Variants in L3MBTL4 observed in about 807,000 individuals in gnomAD.
L3MBTL4 encodes the protein L3MBTL histone methyl-lysine binding protein 4, also known as lethal(3)malignant brain tumor-like protein 4.
In L3MBTL4, 70 loss-of-function variants were observed where a neutral mutation model predicts 84.5. The ratio of observed to expected loss-of-function variants is 0.83; its 90% confidence interval spans 0.68 to 1.01. The LOEUF (loss-of-function observed/expected upper bound fraction) is 1.01. Among genes scored for constraint, L3MBTL4 ranks in the 50% least tolerant of loss-of-function variants. The probability of loss-of-function intolerance (pLI) is 0.00; values close to 1 mark genes in which losing one functional copy is unlikely to be tolerated. For synonymous variants in L3MBTL4, 274 were observed against 259.8 expected (o/e 1.05, Z -0.52); for missense variants, 715 against 754.8 (o/e 0.95, Z 0.62).
chr18:6,232,490 C>T (rs2047038453), intron 10 of L3MBTL4, among the ~76,000 whole-genome samples: 1 of 152,040 alleles, frequency 6.6e-6, no homozygotes, highest in Admixed American at 6.6e-5. Flanking sequence ...TGCTAGAATT[C>T]ACTAGTCAAG....
At chr18:6,272,319 A>G (rs2048910690) in intron 4 of L3MBTL4, among the ~76,000 whole-genome samples, 1 of 152,128 alleles carries the variant, frequency 6.6e-6, no homozygotes, top group Non-Finnish European at 1.5e-5. Flanking sequence ...CCTACCAAAT[A>G]CCCTCACCTC....
chr18:6,289,315 G>C (rs367699631), intron 4 of L3MBTL4, among the ~76,000 whole-genome samples: 1 of 152,148 alleles, frequency 6.6e-6, no homozygotes, highest in African/African-American at 2.4e-5. Context: ...CAGGACCAGA[G>C]TCTAGTCCTC....
rs551511131 is a variant in L3MBTL4 at position 6,347,188 on chromosome 18, G to A, written c.-90-35132C>T. ...GCTGAGGAAAGGGGGAAATTGGGAGGTGATGGATAAAGGGTACAAAGTTTT... is the reference window on the plus strand; with the variant it reads ...GCTGAGGAAAGGGGGAAATTGGGAGATGATGGATAAAGGGTACAAAGTTTT... On this transcript the variant is annotated intron_variant, in intron 1 of 18. Coordinates refer to ENST00000317931, the MANE Select transcript of L3MBTL4 (RefSeq NM_001330559.2). Among the ~76,000 whole-genome samples, 6 of 152,122 alleles carry A rather than the reference G, an allele frequency of 3.9e-5. No homozygotes were observed. The East Asian group carries it at 1.2e-3, about 29-fold the overall frequency.
intron 13 of L3MBTL4, among the ~76,000 whole-genome samples, chr18:6,139,274 G>A (rs1429998646): frequency 6.6e-6 from 1 of 151,868 alleles, no homozygotes; most frequent in East Asian, 1.9e-4. Context: ...AAGCTACAGT[G>A]TACTATATAC....
At chr18:6,085,785 C>T (rs8086786) in intron 15 of L3MBTL4, among the ~76,000 whole-genome samples, 43,877 of 152,072 alleles carry the variant, frequency 0.29, 7,942 homozygotes, top group African/African-American at 0.52. Flanking sequence ...TTTATAACAA[C>T]ATGAAAATGG....
chr18:6,169,059 C>A (rs2043828642), intron 13 of L3MBTL4, among the ~76,000 whole-genome samples: 1 of 152,074 alleles, frequency 6.6e-6, no homozygotes, highest in Non-Finnish European at 1.5e-5. Flanking sequence ...ATTTATGCAG[C>A]CAAAAAACAC....
intron 2 of L3MBTL4, 37 bp from the exon 3 acceptor site, chr18:6,311,693 G>T (rs1050914944): frequency 1.7e-6 from 2 of 1,183,250 alleles, no homozygotes; most frequent in Non-Finnish European, 2.5e-6. Context: ...TGGGGATGGG[G>T]GTGTGACCCC....
chr18:6,134,763 T>A (rs891780147), intron 14 of L3MBTL4, among the ~76,000 whole-genome samples: 6 of 152,202 alleles, frequency 3.9e-5, no homozygotes, highest in Admixed American at 1.3e-4. Flanking sequence ...GCCTCCCTCC[T>A]GGCTGCTTTC....
At chr18:6,112,758 T>G (rs1295648708) in intron 14 of L3MBTL4, among the ~76,000 whole-genome samples, 2 of 152,218 alleles carry the variant, frequency 1.3e-5, no homozygotes, top group East Asian at 3.9e-4. Context: ...AAGAATATAG[T>G]GTTTAGGATG....
chr18:6,342,601 G>C (rs995046892), intron 1 of L3MBTL4, among the ~76,000 whole-genome samples: 2 of 151,530 alleles, frequency 1.3e-5, no homozygotes, highest in East Asian at 1.9e-4. Flanking sequence ...AAAGATAGAG[G>C]AATCAAAACA....
chr18:6,197,417 T>C (rs1016154864), intron 12 of L3MBTL4, among the ~76,000 whole-genome samples: 1 of 152,212 alleles, frequency 6.6e-6, no homozygotes, highest in African/African-American at 2.4e-5. Flanking sequence ...TCCAGCTCCA[T>C]CCATGTCCCT....
intron 16 of L3MBTL4, among the ~76,000 whole-genome samples, chr18:5,998,496 G>C (rs547455951): frequency 1.7e-4 from 26 of 152,278 alleles, no homozygotes; most frequent in African/African-American, 6.3e-4. Flanking sequence ...CAGGCTGAGG[G>C]TGGGCCTGGG....
chr18:6,003,136 AT>A (rs2054304961), intron 16 of L3MBTL4, among the ~76,000 whole-genome samples: 2 of 102,916 alleles, frequency 1.9e-5, no homozygotes, highest in Non-Finnish European at 3.8e-5. Context: ...TAGTATCTCT[AT>A]TTATAGAGAT....
chr18:5,958,062 G>GAGAAGAAGAAGAAGAAGA (rs563678931), intron 18 of L3MBTL4, among the ~76,000 whole-genome samples: 3 of 93,200 alleles, frequency 3.2e-5, no homozygotes, highest in Admixed American at 1.1e-4. Context: ...GAAGGAGAAG[G>GAGAAGAAGAAGAAGAAGA]AGAAGAAGAA....
intron 1 of L3MBTL4, among the ~76,000 whole-genome samples, chr18:6,318,757 A>AG: frequency 6.6e-6 from 1 of 152,048 alleles, no homozygotes; most frequent in Non-Finnish European, 1.5e-5. Context: ...CAATGAAATT[A>AG]AACTACATGA....
At chr18:6,084,652 CAA>C (rs1177959294) in intron 15 of L3MBTL4, among the ~76,000 whole-genome samples, 1 of 152,158 alleles carries the variant, frequency 6.6e-6, no homozygotes, top group Non-Finnish European at 1.5e-5. Flanking sequence ...TTTCTGCCAC[CAA>C]AAGACTCATG....
intron 4 of L3MBTL4, among the ~76,000 whole-genome samples, chr18:6,280,350 T>A (rs1423240814): frequency 1.3e-5 from 2 of 152,242 alleles, no homozygotes; most frequent in Non-Finnish European, 2.9e-5. Context: ...CTGAGCTTTT[T>A]ATGACTCTTT....
At chr18:6,024,905 C>T (rs778606850) in intron 16 of L3MBTL4, among the ~76,000 whole-genome samples, 1 of 152,194 alleles carries the variant, frequency 6.6e-6, no homozygotes, top group Non-Finnish European at 1.5e-5. Flanking sequence ...AAAGGTCACA[C>T]ACTTGAAAAT....
chr18:6,404,475 G>A (rs1327373454), intron 1 of L3MBTL4, among the ~76,000 whole-genome samples: 2 of 152,194 alleles, frequency 1.3e-5, no homozygotes, highest in East Asian at 3.8e-4. Context: ...TTTCTGTTCT[G>A]TTCTGCTCAA....
Sources: allele counts gnomAD v4.1 joint callset (sites outside exome capture counted in the v4.1 genomes callset), GRCh38; gene constraint gnomAD v4.1.1; transcripts MANE v1.5; gene names NCBI Gene and HGNC (gene_info 2026-07-23, HGNC 2026-07-21).